Variants in DIS3L observed in about 807,000 individuals in gnomAD.
DIS3L encodes the protein DIS3-like exonuclease 1.
In DIS3L, 100 loss-of-function variants were observed where a neutral mutation model predicts 120.3. The observed-to-expected ratio is 0.83, with a 90% CI of 0.71 to 0.98. DIS3L has a LOEUF of 0.98. Among genes scored for constraint, DIS3L ranks in the 50% least tolerant of loss-of-function variants. The probability of loss-of-function intolerance (pLI) is 0.00; values close to 1 mark genes in which losing one functional copy is unlikely to be tolerated. For missense variants in DIS3L, 1,196 were observed against 1,314.2 expected (o/e 0.91, Z 1.39); for synonymous variants, 426 against 470.6 (o/e 0.91, Z 1.23).
intron 14 of DIS3L, chr15:66,330,359 A>C: frequency 1.0e-6 from 1 of 985,092 alleles, no homozygotes; most frequent in African/African-American, 1.7e-5. Context: ...CCCAACTGTT[A>C]TTGATAGCAC....
In DIS3L at chr15:66,332,861, C is replaced by T. The variant is rs1334405248; in HGVS notation, c.2807C>T (p.Thr936Ile). The T allele has an allele frequency of 4.3e-6, 7 of 1,613,754 alleles. No homozygotes were observed. The highest frequency in any genetic ancestry group is 5.9e-6 in the Non-Finnish European group (7 of 1,179,904). The change falls in exon 16 of 17, where the codon ACT becomes ATT. Residue 936 changes from threonine (T) to isoleucine (I), a missense_variant. By Grantham distance (89) the Thr-to-Ile change is moderately conservative. Coordinates refer to ENST00000319212, the MANE Select transcript of DIS3L (RefSeq NM_001143688.3). ...CGATTTCAAAACAAAATTACCTCTA[C>T]TACAACAGATGGGGAATCTGTTACG... ...LQRFQNKITS[T>I]TTDGESVTFH...
intron 2 of DIS3L, among the ~76,000 whole-genome samples, chr15:66,298,248 G>T (rs901323805): frequency 6.7e-6 from 1 of 150,256 alleles, no homozygotes; most frequent in African/African-American, 2.4e-5. Flanking sequence ...GATCTGAAAG[G>T]TCACATGATC....
intron 2 of DIS3L, 56 bp downstream of exon 2, chr15:66,295,197 A>G: frequency 6.5e-7 from 1 of 1,538,798 alleles, no homozygotes; most frequent in Non-Finnish European, 8.8e-7. Context: ...CACCTTAGAA[A>G]AGGTCCCTTG....
chr15:66,306,758 T>G lies in DIS3L; in HGVS notation c.294-66T>G, dbSNP rs1458414494. ...AAAATACCCCATCCTTTTTTGATCC[T>G]TAGCAAGAGATAGCAGTGGATGAGT... On this transcript the variant is annotated intron_variant, in intron 2 of 16. Coordinates refer to ENST00000319212, the MANE Select transcript of DIS3L (RefSeq NM_001143688.3). The G allele has an allele frequency of 8.8e-6, 14 of 1,599,514 alleles. No homozygotes were observed. The East Asian group carries it at 3.1e-4, about 36-fold the overall frequency.
chr15:66,304,089 CAAAAAAAAAAAAAA>C (rs34711611), intron 2 of DIS3L, among the ~76,000 whole-genome samples: 1 of 72,640 alleles, frequency 1.4e-5, no homozygotes, highest in African/African-American at 5.3e-5. Flanking sequence ...GACTCTGTTT[CAAAAAAAAAAAAAA>C]AAAAAAAAAC....
At chr15:66,311,468 G>C (rs1005998490) in intron 4 of DIS3L, among the ~76,000 whole-genome samples, 3 of 152,172 alleles carry the variant, frequency 2.0e-5, no homozygotes, top group African/African-American at 7.2e-5. Context: ...GAGAGAAAGA[G>C]ACTTGAAAGC....
At chr15:66,298,263 T>C (rs1338351658) in intron 2 of DIS3L, among the ~76,000 whole-genome samples, 3 of 144,798 alleles carry the variant, frequency 2.1e-5, no homozygotes, top group African/African-American at 7.5e-5. Flanking sequence ...ATGATCTAAC[T>C]CCCCATCCAG....
Position 66,322,918 on chromosome 15 carries a change from A to T in DIS3L, c.1558A>T (p.Ile520Phe), listed in dbSNP as rs1266795492. ...HFVAPNSYID[I>F]EARTRATTYY... ...TGTGGCACCAAATTCTTACATTGAT[A>T]TTGAAGCTAGAACAAGGTAATGCTA... Residue 520 changes from isoleucine to phenylalanine, a missense_variant, in exon 10 of 17, where the codon ATT becomes TTT. Physicochemically the swap from Ile to Phe is conservative, Grantham distance 21 (BLOSUM62 0). Transcript: ENST00000319212. 6.2e-7 allele frequency: 1 copy of T among 1,614,170 alleles called. No individual in the cohort carries two copies. Among genetic ancestry groups the T allele is most frequent in the South Asian group, 1.1e-5 (1 of 91,088 alleles).
chr15:66,316,778 A>G (rs1566948552), intron 7 of DIS3L, among the ~76,000 whole-genome samples: 1 of 152,118 alleles, frequency 6.6e-6, no homozygotes, highest in Non-Finnish European at 1.5e-5. Flanking sequence ...TCATGCTACT[A>G]CACTCCAGCC....
chr15:66,315,163 T>A lies in DIS3L; in HGVS notation c.942T>A (p.Asn314Lys). 6.2e-7 allele frequency: 1 copy of A among 1,614,102 alleles called. No individual in the cohort carries two copies. The highest frequency in any genetic ancestry group is 8.5e-7 in the Non-Finnish European group (1 of 1,179,980). Reference sequence around the variant, plus strand: ...GAAGAACCGTAGCCCTGTGTGAGAATGACTGTGACGACAAGGCTTCGGGCG... The same window carrying A: ...GAAGAACCGTAGCCCTGTGTGAGAAAGACTGTGACGACAAGGCTTCGGGCG... ...WKGRTVALCE[N>K]DCDDKASGES... Residue 314 changes from asparagine (N) to lysine (K), a missense_variant, in exon 7 of 17, where the codon AAT becomes AAA. By Grantham distance (94) the Asn-to-Lys change is moderately conservative. Coordinates refer to ENST00000319212, the MANE Select transcript of DIS3L (RefSeq NM_001143688.3).
intron 7 of DIS3L, among the ~76,000 whole-genome samples, chr15:66,317,361 AAG>A: frequency 2.6e-5 from 4 of 151,552 alleles, no homozygotes; most frequent in African/African-American, 7.2e-5. Context: ...AAAAAAAAAA[AAG>A]AAAAAAGAGA....
intron 12 of DIS3L, among the ~76,000 whole-genome samples, chr15:66,327,921 C>T (rs976380542): frequency 5.3e-5 from 8 of 152,098 alleles, no homozygotes; most frequent in South Asian, 2.1e-4. Flanking sequence ...CCAGGCATGG[C>T]GCACTCTTGT....
At chr15:66,315,330 T>G (rs2092806656) in intron 7 of DIS3L, 115 bp downstream of exon 7, 3 of 980,334 alleles carry the variant, frequency 3.1e-6, no homozygotes, top group Non-Finnish European at 4.3e-6. Flanking sequence ...TTATTTAAAT[T>G]GACAAAAACT....
At position 66,301,925 on chromosome 15, in the gene DIS3L, A is replaced by G. The variant is rs553066136; in HGVS notation, c.294-4899A>G. 7.9e-5 allele frequency among the ~76,000 whole-genome samples: 12 copies of G among 152,336 alleles called. 1 individual carries two copies. The South Asian group carries it at 2.3e-3, about 29-fold the overall frequency. ...AAGCTTGCACTAAAAGTCTAAGAAA[A>G]TATATATGGGAGTGAAACTTAAAAT... On this transcript the variant is annotated intron_variant, in intron 2 of 16. Transcript: ENST00000319212.
At chr15:66,312,993 AT>A (rs2092777495) in intron 5 of DIS3L, among the ~76,000 whole-genome samples, 1 of 151,596 alleles carries the variant, frequency 6.6e-6, no homozygotes, top group Non-Finnish European at 1.5e-5. Flanking sequence ...AATTTAATTT[AT>A]TTTTTTATTT....
intron 2 of DIS3L, among the ~76,000 whole-genome samples, chr15:66,300,885 A>C (rs903215378): frequency 6.6e-6 from 1 of 152,228 alleles, no homozygotes; most frequent in Non-Finnish European, 1.5e-5. Context: ...ACTCCATAAA[A>C]ATGTTTTGTG....
At position 66,318,601 on chromosome 15, in the gene DIS3L, C is replaced by G; in HGVS notation, c.1147C>G (p.Gln383Glu). 6.2e-7 allele frequency: 1 copy of G among 1,614,018 alleles called. No individual in the cohort carries two copies. The highest frequency in any genetic ancestry group is 8.5e-7 in the Non-Finnish European group (1 of 1,179,984). Residue 383 changes from glutamine to glutamate, a missense_variant, in exon 8 of 17, where the codon CAA (glutamine) becomes GAA (glutamate). By Grantham distance (29) the Gln-to-Glu change is conservative (BLOSUM62 2). Coordinates refer to ENST00000319212, the MANE Select transcript of DIS3L (RefSeq NM_001143688.3). ...TCCCAAAATTCGAATTAGCACTCAGCAAGCAGAAACCCTCCAGGTAGTTGG... is the reference window on the plus strand; with the variant it reads ...TCCCAAAATTCGAATTAGCACTCAGGAAGCAGAAACCCTCCAGGTAGTTGG... ...RIPKIRISTQQAETLQDFRVV... is the reference protein window; with the variant it reads ...RIPKIRISTQEAETLQDFRVV...
chr15:66,331,952 G>C lies in DIS3L; in HGVS notation c.2613G>C (p.Glu871Asp). ...MYFKDKDPAT[E>D]ERCISDGVIY... ...TCAAAGACAAAGACCCTGCCACCGA[G>C]GAGCGTTGCATATCTGACGGAGTTA... The change falls in exon 15 of 17, where the codon GAG becomes GAC. Residue 871 changes from glutamate (E) to aspartate (D), a missense_variant. By Grantham distance (45) the Glu-to-Asp change is conservative. Transcript: ENST00000319212. 6.2e-7 allele frequency: 1 copy of C among 1,613,502 alleles called. No individual in the cohort carries two copies. Among genetic ancestry groups the C allele is most frequent in the Non-Finnish European group, 8.5e-7 (1 of 1,179,766 alleles).
intron 7 of DIS3L, 84 bp from the exon 8 acceptor site, chr15:66,318,365 T>C (rs964927488): frequency 1.3e-5 from 19 of 1,460,912 alleles, no homozygotes; most frequent in Non-Finnish European, 1.8e-5. Flanking sequence ...TTTCTTGTTC[T>C]TTTCCTTACT....
Sources: gnomAD v4.1 joint callset for allele counts (sites outside exome capture counted in the v4.1 genomes callset) on GRCh38, gnomAD v4.1.1 for gene constraint, MANE v1.5 for transcripts, NCBI Gene and HGNC (gene_info 2026-07-23, HGNC 2026-07-21) for gene names.